The following SLCO4A1 variants were observed in gnomAD, a reference collection of about 807,000 sequenced individuals.
The protein encoded by SLCO4A1 is solute carrier organic anion transporter family member 4A1.
SLCO4A1 carries 51 observed loss-of-function variants against 64.6 expected under a neutral mutation model. The observed-to-expected ratio is 0.79, with a 90% CI of 0.63 to 1.00. The LOEUF is 1.00. Ranked by LOEUF, SLCO4A1 falls within the 50% of genes least tolerant of loss-of-function variation. The pLI is 0.00. For missense variants in SLCO4A1, 919 were observed against 980.5 expected (o/e 0.94, Z 0.84); for synonymous variants, 471 against 444.9 (o/e 1.06, Z -0.74).
Position 62,672,046 on chromosome 20 carries a change from C to T in SLCO4A1, c.*153C>T, listed in dbSNP as rs1406710039. Reference sequence around the variant, plus strand: ...TAAAGTCGGCTGTGACCTCCTGTCCCCAGAGCTGTACGGCCCTGCAGTGGG... The same window carrying T: ...TAAAGTCGGCTGTGACCTCCTGTCCTCAGAGCTGTACGGCCCTGCAGTGGG... On this transcript the variant is annotated 3_prime_UTR_variant, in exon 12 of 12. Coordinates refer to ENST00000217159, the MANE Select transcript of SLCO4A1 (RefSeq NM_016354.4). 3 of 1,544,982 alleles carry T rather than the reference C, an allele frequency of 1.9e-6. No individual in the cohort carries two copies. The highest frequency in any genetic ancestry group is 2.4e-5 in the East Asian group (1 of 41,860).
At position 62,672,117 on chromosome 20, in the gene SLCO4A1, A is replaced by T; in HGVS notation, c.*224A>T. ...ATATATTTATGGACACACAGTTTGC[A>T]TCAGAACGTGTTTATAGAATGTGTT... On this transcript the variant is annotated 3_prime_UTR_variant, in exon 12 of 12. Coordinates refer to ENST00000217159, the MANE Select transcript of SLCO4A1 (RefSeq NM_016354.4). 1 of 1,428,678 alleles carries T rather than the reference A, an allele frequency of 7.0e-7. No individual in the cohort carries two copies. Among genetic ancestry groups the T allele is most frequent in the Non-Finnish European group, 9.2e-7 (1 of 1,089,774 alleles). The allele number at this position is 1,428,678 out of a possible 1,614,324, so 88.5% of individuals were successfully genotyped here.
rs1448613664 is a variant in SLCO4A1, at chr20:62,669,013, T to G, written c.1960T>G (p.Ser654Ala). ...GCAGGACCAGTGTGGCCAGCAGGGC[T>G]CCTGCTTGGTGTACCAGAATTCGGC... Reference protein sequence around the residue: ...LWQDQCGQQGSCLVYQNSAMS... With the variant: ...LWQDQCGQQGACLVYQNSAMS... Residue 654 changes from serine (S) to alanine (A), a missense_variant, in exon 11 of 12, where the codon TCC becomes GCC. Physicochemically the swap from Ser to Ala is moderately conservative, Grantham distance 99. Coordinates refer to ENST00000217159, the MANE Select transcript of SLCO4A1 (RefSeq NM_016354.4). 5 of 1,611,126 alleles carry G rather than the reference T, an allele frequency of 3.1e-6. No individual in the cohort carries two copies. The highest frequency in any genetic ancestry group is 4.2e-6 in the Non-Finnish European group (5 of 1,179,918).
chr20:62,689,218 T>C (rs2147121326), downstream of SLCO4A1, among the ~76,000 whole-genome samples: 1 of 150,552 alleles, frequency 6.6e-6, no homozygotes, highest in Admixed American at 6.6e-5. Context: ...TCCCTGGCTG[T>C]GCCCCGTGCC....
At chr20:62,682,551 G>A (rs1987882467) in intron 2 of SLCO4A1, among the ~76,000 whole-genome samples, 1 of 152,200 alleles carries the variant, frequency 6.6e-6, no homozygotes, top group African/African-American at 2.4e-5. Flanking sequence ...CAGGGGGATA[G>A]TGGGACATTC....
In SLCO4A1 at chr20:62,661,021, G is replaced by GAGCCCTC; in HGVS notation, c.1010-38_1010-37insTCAGCCC. On this transcript the variant is annotated intron_variant, in intron 4 of 11. Coordinates refer to ENST00000217159, the MANE Select transcript of SLCO4A1 (RefSeq NM_016354.4). The surrounding 1 kb of genome is among the most constrained non-coding windows in gnomAD (Gnocchi z 5.2). ...CTCTCTCGGAGAAGTCCACCTCCGG[G>GAGCCCTC]AGCCCCCAGCCCCCAGCCCCAGCTC... The GAGCCCTC allele has an allele frequency of 1.8e-6, 1 of 546,178 alleles. No individual in the cohort carries two copies. The highest frequency in any genetic ancestry group is 3.8e-5 in the East Asian group (1 of 26,198). The allele number at this position is 546,178 out of a possible 1,614,324, so 33.8% of individuals were successfully genotyped here.
rs1293829719 is a variant in SLCO4A1 at position 62,661,725 on chromosome 20, C to T, written c.1121+550C>T. ...CCCCCTCTACCCGGCGTGTCCCGCT[C>T]ACCCTCTGGGGAGGTTGCTTGCTTT... On this transcript the variant is annotated intron_variant, in intron 5 of 11. Coordinates refer to ENST00000217159, the MANE Select transcript of SLCO4A1 (RefSeq NM_016354.4). The surrounding 1 kb of genome is among the most constrained non-coding windows in gnomAD (Gnocchi z 5.2). Among the ~76,000 whole-genome samples the T allele has an allele frequency of 1.3e-5, 2 of 151,986 alleles. No individual in the cohort carries two copies. Among genetic ancestry groups the T allele is most frequent in the Non-Finnish European group, 2.9e-5 (2 of 67,970 alleles).
intron 1 of SLCO4A1, among the ~76,000 whole-genome samples, chr20:62,652,447 C>T (rs796721368): frequency 5.9e-5 from 9 of 152,212 alleles, no homozygotes; most frequent in East Asian, 1.9e-4. Context: ...TGCGCCTCCT[C>T]GTCAGTCCCG....
intron 2 of SLCO4A1, among the ~76,000 whole-genome samples, chr20:62,682,845 G>C (rs991539327): frequency 1.5e-4 from 23 of 152,236 alleles, no homozygotes; most frequent in African/African-American, 5.1e-4. Context: ...CCATCATAGG[G>C]CATGGCGAGG....
chr20:62,669,599 G>A lies in SLCO4A1; in HGVS notation c.2025+521G>A, dbSNP rs541449837. 5.0e-4 allele frequency among the ~76,000 whole-genome samples: 76 copies of A among 152,274 alleles called. No homozygotes were observed. The South Asian group carries it at 1.0e-2, about 20-fold the overall frequency. On this transcript the variant is annotated intron_variant, in intron 11 of 11. Coordinates refer to ENST00000217159, the MANE Select transcript of SLCO4A1 (RefSeq NM_016354.4). ...GAAACTTTCTGTTGTGACTTTTGGC[G>A]TATGCTACCTGGGAGGAAACGCAGT...
At position 62,672,151 on chromosome 20, in the gene SLCO4A1, G is replaced by A. The variant is rs538183393; in HGVS notation, c.*258G>A. ...TGTTTATAGAATGTGTTTTATACCC[G>A]ATCGTGTGTGGTGTGCGTGAGGACA... is the stretch of plus-strand genomic sequence containing the variant. On this transcript the variant is annotated 3_prime_UTR_variant, in exon 12 of 12. Coordinates refer to ENST00000217159, the MANE Select transcript of SLCO4A1 (RefSeq NM_016354.4). 156 of 1,372,170 alleles carry A rather than the reference G, an allele frequency of 1.1e-4. No homozygotes were observed. The highest frequency in any genetic ancestry group is 3.2e-4 in the African/African-American group (22 of 68,656). The allele number at this position is 1,372,170 out of a possible 1,614,324, so 85.0% of individuals were successfully genotyped here.
rs780831299 is a variant in SLCO4A1, at chr20:62,667,726, G to A, written c.1473-19G>A. The A allele has an allele frequency of 2.5e-6, 4 of 1,599,148 alleles. No homozygotes were observed. The highest frequency in any genetic ancestry group is 2.6e-6 in the Non-Finnish European group (3 of 1,171,962). On this transcript the variant is annotated intron_variant, in intron 7 of 11. Coordinates refer to ENST00000217159, the MANE Select transcript of SLCO4A1 (RefSeq NM_016354.4). ...GGCTCTGGCCTGGACCCTACCACTC[G>A]CTTGTCCCCCCTCTGCAGCCTCCTG... is the stretch of plus-strand genomic sequence containing the variant.
At chr20:62,668,892 A>C in intron 10 of SLCO4A1, 38 bp from the exon 11 acceptor site, 1 of 1,591,092 alleles carries the variant, frequency 6.3e-7, no homozygotes, top group Non-Finnish European at 8.5e-7. Context: ...GCCCCTACCC[A>C]CCAGGAGTGT....
chr20:62,668,800 C>G, intron 10 of SLCO4A1, 130 bp from the exon 11 acceptor site: 2 of 968,046 alleles, frequency 2.1e-6, no homozygotes, highest in Non-Finnish European at 3.0e-6. Flanking sequence ...GCCCTCTTTG[C>G]ACCCCCTGAG....
intron 5 of SLCO4A1, among the ~76,000 whole-genome samples, chr20:62,662,104 T>A (rs1985068581): frequency 6.6e-6 from 1 of 152,172 alleles, no homozygotes; most frequent in Admixed American, 6.5e-5. Flanking sequence ...GAGTCCCTGC[T>A]GCCTGCCCTC....
intron 6 of SLCO4A1, chr20:62,666,110 GCCC>G (rs1215512944): frequency 8.9e-5 from 2 of 22,442 alleles, no homozygotes; most frequent in African/African-American, 2.2e-4. Flanking sequence ...GCCCCGCCCC[GCCC>G]CCCCGCTCCC....
At position 62,667,896 on chromosome 20, in the gene SLCO4A1, G is replaced by A; in HGVS notation, c.1624G>A (p.Val542Met). 1.9e-6 allele frequency: 3 copies of A among 1,614,006 alleles called. No homozygotes were observed. The highest frequency in any genetic ancestry group is 2.5e-6 in the Non-Finnish European group (3 of 1,180,048). ...AGCPAATETNVDGQKVYRDCS... is the reference protein window; with the variant it reads ...AGCPAATETNMDGQKVYRDCS... ...GTGCCCTGCAGCCACGGAGACGAATGTGGACGGCCAGAAGGTGAGTGGAGC... is the reference window on the plus strand; with the variant it reads ...GTGCCCTGCAGCCACGGAGACGAATATGGACGGCCAGAAGGTGAGTGGAGC... The change falls in exon 8 of 12, where the codon GTG becomes ATG. Residue 542 changes from valine to methionine, a missense_variant. Physicochemically the swap from Val to Met is conservative, Grantham distance 21. Coordinates refer to ENST00000217159, the MANE Select transcript of SLCO4A1 (RefSeq NM_016354.4).
At position 62,671,797 on chromosome 20, in the gene SLCO4A1, C is replaced by G. The variant is rs755197273; in HGVS notation, c.2073C>G (p.Pro691=). 6.2e-7 allele frequency: 1 copy of G among 1,613,688 alleles called. No individual in the cohort carries two copies. Among genetic ancestry groups the G allele is most frequent in the Non-Finnish European group, 8.5e-7 (1 of 1,180,028 alleles). The change falls in exon 12 of 12, where the codon CCC becomes CCG. Residue 691 remains proline (P), a synonymous_variant. Coordinates refer to ENST00000217159, the MANE Select transcript of SLCO4A1 (RefSeq NM_016354.4). ...CCATAGCCTGCTTCTTATACAAGCCCCTGTCGGAGTCTTCAGATGGCCTGG... is the reference window on the plus strand; with the variant it reads ...CCATAGCCTGCTTCTTATACAAGCCGCTGTCGGAGTCTTCAGATGGCCTGG... ...FFAIACFLYK[P]LSESSDGLET...
At chr20:62,656,009 ACT>A (rs1206267253) in intron 1 of SLCO4A1, among the ~76,000 whole-genome samples, 1 of 151,808 alleles carries the variant, frequency 6.6e-6, no homozygotes, top group Non-Finnish European at 1.5e-5. Flanking sequence ...TCTCAGCTCC[ACT>A]CTCCACCGCG....
At chr20:62,677,060 G>A (rs1452380427), downstream of SLCO4A1, among the ~76,000 whole-genome samples, 2 of 152,236 alleles carry the variant, frequency 1.3e-5, no homozygotes, top group Non-Finnish European at 2.9e-5. Context: ...CGTGTTTTGT[G>A]ATTCTTTTGT....
Sources: gnomAD v4.1 joint callset for allele counts (sites outside exome capture counted in the v4.1 genomes callset) on GRCh38, gnomAD v4.1.1 for gene constraint, Gnocchi (gnomAD v3.1) non-coding constraint, MANE v1.5 for transcripts, NCBI Gene and HGNC (gene_info 2026-07-23, HGNC 2026-07-21) for gene names.